SGCZ: variants seen among roughly 807,000 people sequenced by gnomAD.
The protein encoded by SGCZ is sarcoglycan zeta.
Under a neutral mutation model 41.3 loss-of-function variants are expected in SGCZ, and 40 were observed. That is an observed-to-expected ratio of 0.97 (90% CI 0.75 to 1.26). The LOEUF (loss-of-function observed/expected upper bound fraction) is 1.26. SGCZ is among the 50% of genes most tolerant of loss of function. SGCZ has a pLI of 0.00. For synonymous variants in SGCZ, 206 were observed against 137.5 expected (o/e 1.50, Z -3.49); for missense variants, 552 against 369.8 (o/e 1.49, Z -4.04).
chr8:14,827,525 C>T (rs928927455), intron 1 of SGCZ, among the ~76,000 whole-genome samples: 1 of 152,106 alleles, frequency 6.6e-6, no homozygotes, highest in African/African-American at 2.4e-5. Flanking sequence ...TTTCTAATGT[C>T]CCATTTGCCA....
chr8:14,563,072 A>C (rs1341915178), intron 1 of SGCZ, among the ~76,000 whole-genome samples: 1 of 152,164 alleles, frequency 6.6e-6, no homozygotes, highest in Non-Finnish European at 1.5e-5. Flanking sequence ...GAAAAACTGA[A>C]GATAGCTGTG....
intron 1 of SGCZ, among the ~76,000 whole-genome samples, chr8:14,777,219 T>A (rs1038244170): frequency 6.6e-6 from 1 of 152,198 alleles, no homozygotes; most frequent in Non-Finnish European, 1.5e-5. Flanking sequence ...AAAACTTTCA[T>A]CATGACGACT....
chr8:14,729,348 G>A (rs1007024462), intron 1 of SGCZ, among the ~76,000 whole-genome samples: 3 of 152,132 alleles, frequency 2.0e-5, no homozygotes, highest in South Asian at 2.1e-4. Context: ...TGCTATTGCG[G>A]ACTGAAGTGA....
Position 14,397,736 on chromosome 8 carries a change from A to C in SGCZ, c.235-73532T>G, listed in dbSNP as rs1798959067. ...ATCTGAGATCTGAGGAAATCTTCCC[A>C]GTATTGCAAAAGCATACTAGAGTTC... On this transcript the variant is annotated intron_variant, in intron 2 of 7. Coordinates refer to ENST00000382080, the MANE Select transcript of SGCZ (RefSeq NM_139167.4). 2.0e-5 allele frequency among the ~76,000 whole-genome samples: 3 copies of C among 152,130 alleles called. 1 individual carries two copies. In the South Asian group the frequency reaches 6.2e-4, roughly 31 times the overall value.
At chr8:14,309,545 G>T in intron 3 of SGCZ, 1 of 1,610,318 alleles carries the variant, frequency 6.2e-7, no homozygotes, top group Non-Finnish European at 8.5e-7. Context: ...CAAAGAAGCT[G>T]TTACACATAC....
intron 1 of SGCZ, among the ~76,000 whole-genome samples, chr8:14,689,897 T>A (rs1808742608): frequency 1.3e-5 from 2 of 152,206 alleles, no homozygotes; most frequent in Admixed American, 1.3e-4. Context: ...TGGTTGTTTA[T>A]GACAATGTCA....
intron 1 of SGCZ, among the ~76,000 whole-genome samples, chr8:14,748,569 T>TC (rs1462840199): frequency 6.6e-6 from 1 of 152,156 alleles, no homozygotes; most frequent in Non-Finnish European, 1.5e-5. Context: ...TTGGAATATT[T>TC]CGGCATGTTT....
intron 1 of SGCZ, among the ~76,000 whole-genome samples, chr8:14,653,837 G>A (rs933167724): frequency 1.3e-5 from 2 of 151,966 alleles, no homozygotes; most frequent in East Asian, 3.9e-4. Flanking sequence ...TCTCAAAAAT[G>A]TTAGATTTTC....
At chr8:14,442,016 T>A (rs1014399433) in intron 2 of SGCZ, among the ~76,000 whole-genome samples, 8 of 152,268 alleles carry the variant, frequency 5.3e-5, no homozygotes, top group African/African-American at 1.9e-4. Flanking sequence ...ATTCCCCTGC[T>A]GGGGATAACA....
chr8:15,102,164 T>A (rs1339145555), intron 1 of SGCZ, among the ~76,000 whole-genome samples: 1 of 152,186 alleles, frequency 6.6e-6, no homozygotes, highest in Non-Finnish European at 1.5e-5. Flanking sequence ...AACCAAGGTG[T>A]CCTTCAGTAG....
intron 1 of SGCZ, among the ~76,000 whole-genome samples, chr8:14,583,535 T>G (rs1180157012): frequency 1.3e-5 from 2 of 152,106 alleles, no homozygotes; most frequent in Admixed American, 1.3e-4. Context: ...CAATTTTGGC[T>G]TTTGTTGCCA....
intron 3 of SGCZ, among the ~76,000 whole-genome samples, chr8:14,256,026 T>C (rs1329826531): frequency 2.0e-5 from 3 of 152,146 alleles, no homozygotes; most frequent in Non-Finnish European, 4.4e-5. Context: ...CTAAAAACTT[T>C]TTAGTAAAAC....
At chr8:14,124,066 T>A (rs1413856510) in intron 5 of SGCZ, among the ~76,000 whole-genome samples, 3 of 152,112 alleles carry the variant, frequency 2.0e-5, no homozygotes, top group Non-Finnish European at 4.4e-5. Context: ...AGAAGGGAGC[T>A]CAGACCAGGA....
intron 1 of SGCZ, among the ~76,000 whole-genome samples, chr8:14,567,330 A>T (rs891650732): frequency 6.6e-6 from 1 of 152,208 alleles, no homozygotes; most frequent in South Asian, 2.1e-4. Context: ...GAGAATCTTT[A>T]TGTCTAGCTA....
chr8:14,720,314 T>A (rs1313468542), intron 1 of SGCZ, among the ~76,000 whole-genome samples: 1 of 152,110 alleles, frequency 6.6e-6, no homozygotes, highest in Non-Finnish European at 1.5e-5. Context: ...ATAAAACTTA[T>A]AAGTAAATTC....
intron 2 of SGCZ, among the ~76,000 whole-genome samples, chr8:14,509,512 T>C (rs960754641): frequency 6.6e-6 from 1 of 152,168 alleles, no homozygotes; most frequent in Non-Finnish European, 1.5e-5. Context: ...TGAAGAATCA[T>C]TACTTTGCAC....
chr8:14,184,916 C>T (rs1267300478), intron 4 of SGCZ, among the ~76,000 whole-genome samples: 1 of 152,148 alleles, frequency 6.6e-6, no homozygotes, highest in Non-Finnish European at 1.5e-5. Context: ...AGCACCACAA[C>T]ACTTATGATT....
At chr8:14,098,664 T>C (rs1801919536) in intron 7 of SGCZ, among the ~76,000 whole-genome samples, 2 of 152,102 alleles carry the variant, frequency 1.3e-5, no homozygotes, top group African/African-American at 4.8e-5. Flanking sequence ...CTTGAAGAAA[T>C]ATTAAAAGCT....
intron 2 of SGCZ, among the ~76,000 whole-genome samples, chr8:14,412,873 A>T (rs186260988): frequency 6.6e-6 from 1 of 152,166 alleles, no homozygotes; most frequent in Admixed American, 6.6e-5. Flanking sequence ...ATGGATGCAA[A>T]TAATAAATAT....
Sources: allele counts gnomAD v4.1 joint callset (sites outside exome capture counted in the v4.1 genomes callset), GRCh38; gene constraint gnomAD v4.1.1; transcripts MANE v1.5; gene names NCBI Gene and HGNC (gene_info 2026-07-23, HGNC 2026-07-21).